The following GABRA5 variants were observed in gnomAD, a reference collection of about 807,000 sequenced individuals.
GABRA5 encodes the protein gamma-aminobutyric acid receptor subunit alpha-5.
GABRA5 carries 18 observed loss-of-function variants against 47.3 expected under a neutral mutation model. The ratio of observed to expected loss-of-function variants is 0.38; its 90% CI spans 0.26 to 0.56. The LOEUF is 0.56. GABRA5 is among the 20% of genes least tolerant of loss of function. The pLI is 0.71. For missense variants in GABRA5, 365 were observed against 599.3 expected (o/e 0.61, Z 4.08); for synonymous variants, 237 against 229.3 (o/e 1.03, Z -0.30).
chr15:26,916,376 G>T (rs1020327680), intron 7 of GABRA5, among the ~76,000 whole-genome samples: 6 of 152,080 alleles, frequency 3.9e-5, no homozygotes, highest in Non-Finnish European at 8.8e-5. Context: ...TCAAAGATCA[G>T]TTGACTGTAT....
intron 6 of GABRA5, among the ~76,000 whole-genome samples, chr15:26,913,799 T>C (rs750010657): frequency 6.6e-6 from 1 of 151,764 alleles, no homozygotes; most frequent in Non-Finnish European, 1.5e-5. Context: ...GCTCTGGGAG[T>C]GCACTGGCTT....
At chr15:26,940,125 C>T in intron 9 of GABRA5, 48 bp downstream of exon 9, 2 of 1,538,684 alleles carry the variant, frequency 1.3e-6, no homozygotes, top group South Asian at 1.2e-5. Flanking sequence ...TGTGACTGAC[C>T]CTAACCACCC....
intron 6 of GABRA5, among the ~76,000 whole-genome samples, chr15:26,893,366 AGCGTGTGGCGGGACTATATGGAGTATGT>A (rs1893074998): frequency 6.2e-4 from 1 of 1,616 alleles, no homozygotes; most frequent in Non-Finnish European, 1.2e-3. Flanking sequence ...TATGGTGTGT[AGCGTGTGGCGGGACTATATGGAGTATGT>A]GTATGGTGTG....
At chr15:26,924,716 G>C (rs1029612763) in intron 7 of GABRA5, among the ~76,000 whole-genome samples, 2 of 152,104 alleles carry the variant, frequency 1.3e-5, no homozygotes, top group East Asian at 1.9e-4. Context: ...CACGTTTTTT[G>C]GGGGGATGCT....
chr15:26,907,710 G>A (rs138529016), intron 6 of GABRA5, among the ~76,000 whole-genome samples: 82 of 152,274 alleles, frequency 5.4e-4, no homozygotes, highest in African/African-American at 1.9e-3. Context: ...TGGCCTTTGG[G>A]TTCCGACAAA....
At chr15:26,923,638 G>T (rs147011959) in intron 7 of GABRA5, among the ~76,000 whole-genome samples, 113 of 151,998 alleles carry the variant, frequency 7.4e-4, no homozygotes, top group Non-Finnish European at 1.3e-3. Flanking sequence ...GTTTCTGTAG[G>T]TTTTGGTCAA....
At position 26,883,532 on chromosome 15, in the gene GABRA5, G is replaced by A; in HGVS notation, c.472G>A (p.Asp158Asn). The part of the protein sequence containing the change: ...TPNKLLRLED[D>N]GTLLYTMRLT... Reference sequence around the variant, plus strand: ...CAACAAGCTGCTGCGGCTGGAGGACGACGGCACCCTGCTCTACACCATGCG... The same window carrying A: ...CAACAAGCTGCTGCGGCTGGAGGACAACGGCACCCTGCTCTACACCATGCG... Residue 158 changes from aspartate to asparagine, a missense_variant, in exon 6 of 11, where the codon GAC becomes AAC. This residue lies in a region of GABRA5 where 216 missense variants were observed against 335.3 expected (regional missense o/e 0.64). Coordinates refer to ENST00000335625, the MANE Select transcript of GABRA5 (RefSeq NM_000810.4). This position sits in a 1 kb window ranked among gnomAD's most constrained non-coding sequence, Gnocchi z 4.8. 6.2e-7 allele frequency: 1 copy of A among 1,611,824 alleles called. No individual in the cohort carries two copies. Among genetic ancestry groups the A allele is most frequent in the Non-Finnish European group, 8.5e-7 (1 of 1,179,090 alleles).
chr15:26,936,387 C>T (rs1304749552), intron 7 of GABRA5, among the ~76,000 whole-genome samples: 2 of 152,178 alleles, frequency 1.3e-5, no homozygotes, highest in East Asian at 1.9e-4. Context: ...CTCTCCTCGG[C>T]TTATGGCCCC....
chr15:26,910,454 G>T (rs545016203), intron 6 of GABRA5, among the ~76,000 whole-genome samples: 1 of 152,108 alleles, frequency 6.6e-6, no homozygotes, highest in Admixed American at 6.5e-5. Flanking sequence ...ACAAAAATTA[G>T]GTGGGCGTGA....
chr15:26,880,286 A>G (rs937015260), intron 3 of GABRA5, among the ~76,000 whole-genome samples: 1 of 152,116 alleles, frequency 6.6e-6, no homozygotes, highest in African/African-American at 2.4e-5. Flanking sequence ...GACCCCAGAG[A>G]TGACACAGAC....
intron 6 of GABRA5, among the ~76,000 whole-genome samples, chr15:26,905,140 A>G (rs1260019152): frequency 6.6e-6 from 1 of 152,064 alleles, no homozygotes; most frequent in Non-Finnish European, 1.5e-5. Flanking sequence ...CCTTCAGTAC[A>G]TAGTTTGTTG....
chr15:26,940,606 T>C (rs1475415296), intron 9 of GABRA5, among the ~76,000 whole-genome samples: 1 of 152,200 alleles, frequency 6.6e-6, no homozygotes, highest in Non-Finnish European at 1.5e-5. Flanking sequence ...ACTCAGTCTG[T>C]AGAATTTTTG....
chr15:26,910,856 GTC>G (rs1893564967), intron 6 of GABRA5, among the ~76,000 whole-genome samples: 1 of 152,088 alleles, frequency 6.6e-6, no homozygotes, highest in African/African-American at 2.4e-5. Context: ...TGACCTAGCT[GTC>G]TCTCTTGCGC....
chr15:26,881,276 T>C lies in GABRA5; in HGVS notation c.208+309T>C, dbSNP rs1299574444. ...CAGATAATCTTAATGTCTAGTCTGG[T>C]TAACTTAAGGAGGAACCAGCTTTTA... On this transcript the variant is annotated intron_variant, in intron 4 of 10. Coordinates refer to ENST00000335625, the MANE Select transcript of GABRA5 (RefSeq NM_000810.4). Among the ~76,000 whole-genome samples, 3 of 152,190 alleles carry C rather than the reference T, an allele frequency of 2.0e-5. No individual in the cohort carries two copies. The East Asian group carries it at 5.8e-4, about 29-fold the overall frequency.
chr15:26,884,213 A>T (rs1566866643), intron 6 of GABRA5, among the ~76,000 whole-genome samples: 1 of 151,842 alleles, frequency 6.6e-6, no homozygotes, highest in Non-Finnish European at 1.5e-5. Flanking sequence ...AAAAGAAGGG[A>T]ATTTTTTATT....
rs572043408 is a variant in GABRA5 at position 26,927,383 on chromosome 15, A to AT, written c.581-9800dup. On this transcript the variant is annotated intron_variant, in intron 7 of 10. Coordinates refer to ENST00000335625, the MANE Select transcript of GABRA5 (RefSeq NM_000810.4). ...CACCTCGGCCTCTCAAAGTGCTGGGATTACATGTGTGCACCACTGCGCCCG... is the reference window on the plus strand; with the variant it reads ...CACCTCGGCCTCTCAAAGTGCTGGGATTTACATGTGTGCACCACTGCGCCCG... Among the ~76,000 whole-genome samples the AT allele has an allele frequency of 4.1e-3, 628 of 151,712 alleles. 1 individual carries two copies. The highest frequency in any genetic ancestry group is 6.0e-3 in the Non-Finnish European group (405 of 67,976).
chr15:26,925,502 C>T (rs1419267904), intron 7 of GABRA5, among the ~76,000 whole-genome samples: 1 of 152,128 alleles, frequency 6.6e-6, no homozygotes, highest in Non-Finnish European at 1.5e-5. Context: ...AATTTCTCTA[C>T]TAGGATTTAC....
chr15:26,893,880 A>G (rs1463732538), intron 6 of GABRA5, among the ~76,000 whole-genome samples: 1 of 152,080 alleles, frequency 6.6e-6, no homozygotes, highest in Admixed American at 6.5e-5. Flanking sequence ...TGTGAGACCT[A>G]TGTGCGCGCG....
intron 6 of GABRA5, among the ~76,000 whole-genome samples, chr15:26,894,706 G>A (rs570994285): frequency 6.6e-6 from 1 of 152,220 alleles, no homozygotes; most frequent in South Asian, 2.1e-4. Context: ...GCGCCTGGCG[G>A]TGTGCTGTGC....
Sources: allele counts gnomAD v4.1 joint callset (sites outside exome capture counted in the v4.1 genomes callset), GRCh38; gene constraint gnomAD v4.1.1; regional missense constraint gnomAD v4.1.1; non-coding constraint Gnocchi (gnomAD v3.1); transcripts MANE v1.5; gene names NCBI Gene and HGNC (gene_info 2026-07-23, HGNC 2026-07-21).